Variants in PRKCH observed in about 807,000 individuals in gnomAD.
The protein encoded by PRKCH is protein kinase C eta type.
In PRKCH, 28 loss-of-function variants were observed where a neutral mutation model predicts 82.5. That is an observed-to-expected ratio of 0.34 (90% CI 0.25 to 0.47). PRKCH has a LOEUF of 0.47. PRKCH is among the 20% of genes least tolerant of loss of function. The probability of loss-of-function intolerance (pLI) is 1.00; values close to 1 mark genes in which losing one functional copy is unlikely to be tolerated. For missense variants in PRKCH, 705 were observed against 881.8 expected (o/e 0.80, Z 2.54); for synonymous variants, 322 against 327.4 (o/e 0.98, Z 0.18).
intron 1 of PRKCH, among the ~76,000 whole-genome samples, chr14:61,263,881 G>A (rs866147248): frequency 7.3e-6 from 1 of 136,192 alleles, no homozygotes; most frequent in Admixed American, 7.1e-5. Flanking sequence ...GTGTGTGTGT[G>A]TGTGTGTGTG....
At chr14:61,230,811 G>A (rs973550107) in intron 1 of PRKCH, among the ~76,000 whole-genome samples, 1 of 152,126 alleles carries the variant, frequency 6.6e-6, no homozygotes, top group African/African-American at 2.4e-5. Context: ...GAAGAATTTT[G>A]TTGTCCAAAT....
chr14:61,464,421 A>G (rs1353347210), intron 9 of PRKCH, among the ~76,000 whole-genome samples: 21 of 151,598 alleles, frequency 1.4e-4, no homozygotes, highest in Admixed American at 1.4e-3. Context: ...GTTCTGGGAT[A>G]CATGTGCTGA....
intron 2 of PRKCH, among the ~76,000 whole-genome samples, chr14:61,438,215 C>T (rs1883771830): frequency 6.6e-6 from 1 of 152,126 alleles, no homozygotes; most frequent in Non-Finnish European, 1.5e-5. Flanking sequence ...CCTCAACCAC[C>T]AAACTCTCTT....
intron 10 of PRKCH, among the ~76,000 whole-genome samples, chr14:61,507,579 A>G (rs1887204923): frequency 6.6e-6 from 1 of 152,162 alleles, no homozygotes; most frequent in Non-Finnish European, 1.5e-5. Context: ...GCTATGGAAT[A>G]TTATTCAGCC....
At chr14:61,383,954 A>G (rs1307888083) in intron 1 of PRKCH, among the ~76,000 whole-genome samples, 1 of 152,204 alleles carries the variant, frequency 6.6e-6, no homozygotes, top group Non-Finnish European at 1.5e-5. Context: ...CAGGTGGAGC[A>G]GGGTGTTTTA....
At chr14:61,406,739 C>T (rs1881970930) in intron 2 of PRKCH, among the ~76,000 whole-genome samples, 1 of 152,130 alleles carries the variant, frequency 6.6e-6, no homozygotes, top group Non-Finnish European at 1.5e-5. Flanking sequence ...AGGTATTTCT[C>T]TGACTGATTT....
At chr14:61,329,254 T>TTTTTTTTTTTTTTTTG (rs1555375988) in intron 1 of PRKCH, among the ~76,000 whole-genome samples, 1 of 122,440 alleles carries the variant, frequency 8.2e-6, no homozygotes, top group African/African-American at 3.2e-5. Context: ...TTTTTTTTTT[T>TTTTTTTTTTTTTTTTG]GAGACAGAAT....
At chr14:61,328,240 G>T (rs1356077117) in intron 1 of PRKCH, among the ~76,000 whole-genome samples, 2 of 109,352 alleles carry the variant, frequency 1.8e-5, no homozygotes, top group Non-Finnish European at 3.4e-5. Context: ...CTGGGCAACA[G>T]AGCGAGACTC....
chr14:61,515,742 A>G (rs2042816991), intron 10 of PRKCH, among the ~76,000 whole-genome samples: 1 of 152,210 alleles, frequency 6.6e-6, no homozygotes. Context: ...TACCTGCCCA[A>G]AATGCAAAAG....
chr14:61,215,133 A>C (rs988654026), intron 1 of PRKCH, among the ~76,000 whole-genome samples: 23 of 152,198 alleles, frequency 1.5e-4, no homozygotes, highest in African/African-American at 5.6e-4. Flanking sequence ...TGCATCTCTC[A>C]GCTTTAGCTA....
intron 1 of PRKCH, among the ~76,000 whole-genome samples, chr14:61,213,580 T>C (rs942985326): frequency 1.3e-5 from 2 of 152,216 alleles, no homozygotes; most frequent in Admixed American, 6.5e-5. Context: ...ATGCGTTTAA[T>C]GTAAATGAAT....
intron 1 of PRKCH, among the ~76,000 whole-genome samples, chr14:61,378,246 A>C (rs573303702): frequency 7.2e-6 from 1 of 138,350 alleles, no homozygotes; most frequent in Non-Finnish European, 1.6e-5. Flanking sequence ...TTGAGACAGC[A>C]TCTCTCTCTG....
chr14:61,286,732 C>T (rs747702283), intron 1 of PRKCH, among the ~76,000 whole-genome samples: 4 of 151,872 alleles, frequency 2.6e-5, no homozygotes, highest in Non-Finnish European at 4.4e-5. Flanking sequence ...GCCGAGATCA[C>T]GTCATTGCAC....
intron 3 of PRKCH, 146 bp downstream of exon 3, chr14:61,443,407 G>T: frequency 1.3e-6 from 1 of 782,056 alleles, no homozygotes; most frequent in Non-Finnish European, 1.8e-6. Context: ...TGTTGACCCA[G>T]TAATTTAAAT....
rs1307643084 is a variant in PRKCH, at chr14:61,205,772, G to A, written c.-19+18104G>A. Among the ~76,000 whole-genome samples, 5 of 152,186 alleles carry A rather than the reference G, an allele frequency of 3.3e-5. No individual in the cohort carries two copies. The East Asian group carries it at 9.6e-4, about 29-fold the overall frequency. On this transcript the variant is annotated intron_variant, in intron 1 of 3. Transcript: ENST00000555185. Reference sequence around the variant, plus strand: ...CTAACTAGGAATGGTAGTCGGTGGTGAATATGCAACATTCCTTGGTCGGGA... The same window carrying A: ...CTAACTAGGAATGGTAGTCGGTGGTAAATATGCAACATTCCTTGGTCGGGA...
intron 1 of PRKCH, among the ~76,000 whole-genome samples, chr14:61,356,490 C>T (rs963165579): frequency 5.3e-5 from 8 of 152,064 alleles, no homozygotes; most frequent in Admixed American, 6.6e-5. Context: ...CATATTTTTC[C>T]GGGCTATCTC....
intron 1 of PRKCH, among the ~76,000 whole-genome samples, chr14:61,257,034 A>C (rs1184613273): frequency 6.6e-6 from 1 of 152,156 alleles, no homozygotes; most frequent in Non-Finnish European, 1.5e-5. Context: ...GACAGGAAAC[A>C]CTACTAATAT....
intron 1 of PRKCH, among the ~76,000 whole-genome samples, chr14:61,259,803 A>C (rs1218724307): frequency 6.6e-6 from 1 of 152,218 alleles, no homozygotes; most frequent in Non-Finnish European, 1.5e-5. Context: ...ATCTGTTCAC[A>C]GTTGGTCCAT....
chr14:61,237,332 T>A (rs2044798929), intron 1 of PRKCH, among the ~76,000 whole-genome samples: 1 of 152,126 alleles, frequency 6.6e-6, no homozygotes, highest in African/African-American at 2.4e-5. Flanking sequence ...AATTGAAGTA[T>A]TTTACCCTAA....
Sources: allele counts gnomAD v4.1 joint callset (sites outside exome capture counted in the v4.1 genomes callset), GRCh38; gene constraint gnomAD v4.1.1; transcripts MANE v1.5; gene names NCBI Gene and HGNC (gene_info 2026-07-23, HGNC 2026-07-21).